The following ARPP21 variants were observed in gnomAD, a reference collection of about 807,000 sequenced individuals.
The protein encoded by ARPP21 is cAMP regulated phosphoprotein 21, also known as cAMP-regulated phosphoprotein 21.
In ARPP21, 69 loss-of-function variants were observed where a neutral mutation model predicts 113.2. The ratio of observed to expected loss-of-function variants is 0.61; its 90% CI spans 0.50 to 0.74. The LOEUF (loss-of-function observed/expected upper bound fraction) is 0.74, where lower values mean the gene tolerates loss of function less well. Ranked by LOEUF, ARPP21 falls within the 30% of genes least tolerant of loss-of-function variation. ARPP21 has a pLI of 0.00. For missense variants in ARPP21, 1,070 were observed against 1,037.4 expected (o/e 1.03, Z -0.43); for synonymous variants, 368 against 375.5 (o/e 0.98, Z 0.23).
Position 35,721,694 on chromosome 3 carries a change from GGAGCA to G in ARPP21, c.1087_1091del (p.Ser363HisfsTer30). The G allele has an allele frequency of 6.2e-7, 1 of 1,613,902 alleles. No homozygotes were observed. The highest frequency in any genetic ancestry group is 8.5e-7 in the Non-Finnish European group (1 of 1,179,886). ...AAGTGGTCTGACCACCAAAGGGCCT[GGAGCA>G]GCACAGACTCCGACAGTTCCAACCG... On this transcript the variant is annotated frameshift_variant, in exon 14 of 21. Transcript: ENST00000684406. LOFTEE classifies it high-confidence loss of function.
At chr3:35,720,308 A>G (rs1291125341) in intron 13 of ARPP21, among the ~76,000 whole-genome samples, 1 of 152,068 alleles carries the variant, frequency 6.6e-6, no homozygotes, top group Non-Finnish European at 1.5e-5. Flanking sequence ...TCTTGGATCC[A>G]TTTATCTTCT....
chr3:35,712,937 G>C (rs553174210), intron 11 of ARPP21, among the ~76,000 whole-genome samples: 11 of 152,208 alleles, frequency 7.2e-5, no homozygotes, highest in Admixed American at 2.6e-4. Context: ...TTGCCTGGAG[G>C]CTAATTTCTG....
chr3:35,692,391 T>C (rs568462465), intron 9 of ARPP21, among the ~76,000 whole-genome samples: 11 of 151,812 alleles, frequency 7.2e-5, no homozygotes, highest in Non-Finnish European at 1.5e-4. Context: ...GTGTTGTTGT[T>C]TCTTATTCTT....
chr3:35,738,797 A>G (rs1054058549), intron 17 of ARPP21, among the ~76,000 whole-genome samples: 1 of 152,174 alleles, frequency 6.6e-6, no homozygotes, highest in Admixed American at 6.5e-5. Context: ...TTGCTCCTAA[A>G]TTTTAGATCA....
intron 9 of ARPP21, among the ~76,000 whole-genome samples, chr3:35,695,585 A>G (rs887831631): frequency 4.0e-5 from 6 of 151,576 alleles, no homozygotes; most frequent in African/African-American, 1.5e-4. Context: ...GGAACAGTAT[A>G]CCAAACATCC....
At chr3:35,748,058 AGAAG>A (rs754411154) in intron 19 of ARPP21, among the ~76,000 whole-genome samples, 10 of 82,744 alleles carry the variant, frequency 1.2e-4, no homozygotes, top group African/African-American at 5.3e-4. Context: ...AAGAAAAGGA[AGAAG>A]GAAGGAAGAA....
At chr3:35,728,697 A>C (rs930711783) in intron 14 of ARPP21, among the ~76,000 whole-genome samples, 8 of 152,108 alleles carry the variant, frequency 5.3e-5, no homozygotes, top group African/African-American at 1.9e-4. Flanking sequence ...GCCACTCCTT[A>C]AAAGGGATCC....
At chr3:35,656,826 TA>T (rs571942432) in intron 1 of ARPP21, among the ~76,000 whole-genome samples, 17 of 151,928 alleles carry the variant, frequency 1.1e-4, no homozygotes, top group Non-Finnish European at 2.4e-4. Context: ...GTTTTAAAAT[TA>T]AAAAAGGCAG....
intron 9 of ARPP21, among the ~76,000 whole-genome samples, chr3:35,702,845 A>G (rs1045777946): frequency 2.0e-5 from 3 of 151,894 alleles, no homozygotes; most frequent in Non-Finnish European, 4.4e-5. Context: ...CCTATTTTCA[A>G]TAAAATACAT....
At chr3:35,760,797 T>A (rs1306773078) in intron 19 of ARPP21, among the ~76,000 whole-genome samples, 1 of 152,028 alleles carries the variant, frequency 6.6e-6, no homozygotes, top group Non-Finnish European at 1.5e-5. Flanking sequence ...CCTAAATCAT[T>A]GTTTCTTGAG....
chr3:35,670,728 A>T (rs571822017), intron 1 of ARPP21, among the ~76,000 whole-genome samples: 1 of 152,212 alleles, frequency 6.6e-6, no homozygotes, highest in East Asian at 1.9e-4. Context: ...GACACATTGA[A>T]AAAAAAGAAA....
At chr3:35,690,234 A>G in intron 8 of ARPP21, 94 bp downstream of exon 8, 1 of 704,200 alleles carries the variant, frequency 1.4e-6, no homozygotes, top group South Asian at 1.6e-5. Context: ...AGGGATAGAC[A>G]AAACATTGTT....
intron 12 of ARPP21, 75 bp downstream of exon 12, chr3:35,715,551 T>C: frequency 1.7e-6 from 2 of 1,161,460 alleles, no homozygotes; most frequent in Non-Finnish European, 2.6e-6. Flanking sequence ...TTCATAAATA[T>C]ATATCCCATA....
intron 1 of ARPP21, among the ~76,000 whole-genome samples, chr3:35,659,872 G>A (rs1706870694): frequency 6.6e-6 from 1 of 152,178 alleles, no homozygotes; most frequent in African/African-American, 2.4e-5. Flanking sequence ...TATTGTTCAG[G>A]AGCAGCTCAG....
intron 9 of ARPP21, among the ~76,000 whole-genome samples, chr3:35,701,887 A>G (rs1033190189): frequency 1.3e-5 from 2 of 151,634 alleles, no homozygotes; most frequent in Non-Finnish European, 3.0e-5. Flanking sequence ...CAAAATATCT[A>G]AATACCTATT....
intron 11 of ARPP21, chr3:35,714,847 T>C (rs1022984007): frequency 6.6e-6 from 1 of 152,056 alleles, no homozygotes; most frequent in Admixed American, 6.6e-5. Flanking sequence ...TTTTTTTTTT[T>C]AATTAGCGTA....
chr3:35,789,848 T>C (rs2096712231), intron 19 of ARPP21, among the ~76,000 whole-genome samples: 1 of 152,232 alleles, frequency 6.6e-6, no homozygotes, highest in Non-Finnish European at 1.5e-5. Flanking sequence ...GCTTTCTGAA[T>C]GTCTTAACAG....
intron 1 of ARPP21, among the ~76,000 whole-genome samples, chr3:35,673,877 G>T (rs1055242177): frequency 6.6e-6 from 1 of 151,832 alleles, no homozygotes; most frequent in Non-Finnish European, 1.5e-5. Flanking sequence ...CAGATATAAT[G>T]ATTACTATTA....
chr3:35,690,095 T>A lies in ARPP21; in HGVS notation c.500T>A (p.Leu167His), dbSNP rs2081803776. Residue 167 changes from leucine to histidine, a missense_variant, in exon 8 of 21, where the codon CTT (leucine) becomes CAT (histidine). By Grantham distance (99) the Leu-to-His change is moderately conservative. Coordinates refer to ENST00000684406, the MANE Select transcript of ARPP21 (RefSeq NM_001385562.1). ...TTATTTTGCAGGGACAGGATGATAC[T>A]TTTGAAAATGGAGCAGGAAATTATT... Reference protein sequence around the residue: ...LKNNSRDRMILLKMEQEIIDF... With the variant: ...LKNNSRDRMIHLKMEQEIIDF... 6.8e-7 allele frequency: 1 copy of A among 1,460,156 alleles called. No individual in the cohort carries two copies. Among genetic ancestry groups the A allele is most frequent in the Non-Finnish European group, 9.6e-7 (1 of 1,041,272 alleles). The allele number at this position is 1,460,156 out of a possible 1,614,324, so 90.4% of individuals were successfully genotyped here. A position where few individuals can be genotyped will look rare whatever the true frequency, so the allele number is the denominator to read the frequency against.
Sources: gnomAD v4.1 joint callset for allele counts (sites outside exome capture counted in the v4.1 genomes callset) on GRCh38, gnomAD v4.1.1 for gene constraint, MANE v1.5 for transcripts, NCBI Gene and HGNC (gene_info 2026-07-23, HGNC 2026-07-21) for gene names.